The following HIRA variants were observed in gnomAD, a reference collection of about 807,000 sequenced individuals.
The protein encoded by HIRA is protein HIRA.
Under a neutral mutation model 126.6 loss-of-function variants are expected in HIRA, and 13 were observed. That is an observed-to-expected ratio of 0.10 (90% CI 0.07 to 0.16). HIRA has a LOEUF of 0.16. Ranked by LOEUF, HIRA falls within the 10% of genes least tolerant of loss-of-function variation. HIRA has a pLI of 1.00. For synonymous variants in HIRA, 511 were observed against 520.0 expected, an observed-to-expected ratio of 0.98 and a Z score of 0.24; for missense variants, 834 against 1,314.4, an observed-to-expected ratio of 0.63 and a Z score of 5.65.
Position 19,422,173 on chromosome 22 carries a change from C to T in HIRA, c.37+9267G>A, listed in dbSNP as rs569416077. 4.2e-3 allele frequency among the ~76,000 whole-genome samples: 530 copies of T among 126,326 alleles called. 3 individuals are homozygous for T. The highest frequency in any genetic ancestry group is 0.016 in the African/African-American group (393 of 24,388). 82.9% of individuals were successfully genotyped at this position (126,326 alleles called of 152,430 possible). ...CCTGAAAAGAATGTGTTTATATATACACACACACACACACACACACATACA... is the reference window on the plus strand; with the variant it reads ...CCTGAAAAGAATGTGTTTATATATATACACACACACACACACACACATACA... On this transcript the variant is annotated intron_variant, in intron 1 of 24. Coordinates refer to ENST00000263208, the MANE Select transcript of HIRA (RefSeq NM_003325.4).
intron 2 of HIRA, 131 bp downstream of exon 2, chr22:19,410,585 T>C (rs1275452288): frequency 2.8e-6 from 2 of 706,376 alleles, no homozygotes; most frequent in Non-Finnish European, 5.1e-6. Flanking sequence ...ACATTATAAC[T>C]GTACATTTTA....
At chr22:19,401,756 TTA>T (rs2089270237) in intron 5 of HIRA, among the ~76,000 whole-genome samples, 1 of 152,166 alleles carries the variant, frequency 6.6e-6, no homozygotes, top group African/African-American at 2.4e-5. Context: ...CACTTCTGTG[TTA>T]TGACTCCAAA....
At chr22:19,420,184 G>A (rs112251525) in intron 1 of HIRA, among the ~76,000 whole-genome samples, 43 of 152,132 alleles carry the variant, frequency 2.8e-4, no homozygotes, top group African/African-American at 9.6e-4. Context: ...GAGATTGGGC[G>A]CAGTGGCTCA....
At chr22:19,381,073 T>TA (rs547361428) in intron 13 of HIRA, among the ~76,000 whole-genome samples, 17 of 152,224 alleles carry the variant, frequency 1.1e-4, no homozygotes, top group Non-Finnish European at 2.5e-4. Flanking sequence ...AGTTATTTCT[T>TA]TGAGTTTTCT....
At chr22:19,350,658 T>G (rs1556010570) in intron 24 of HIRA, among the ~76,000 whole-genome samples, 3 of 152,058 alleles carry the variant, frequency 2.0e-5, no homozygotes, top group Non-Finnish European at 4.4e-5. Flanking sequence ...GTTTTTCTAT[T>G]TTAGTTCATG....
chr22:19,361,130 C>G (rs2088859448), intron 17 of HIRA, 107 bp downstream of exon 17: 1 of 883,732 alleles, frequency 1.1e-6, no homozygotes. Flanking sequence ...TGGAGAGCCA[C>G]TGGAAACCAA....
chr22:19,370,519 A>T (rs2146205378), intron 15 of HIRA, among the ~76,000 whole-genome samples: 1 of 152,282 alleles, frequency 6.6e-6, no homozygotes, highest in African/African-American at 2.4e-5. Flanking sequence ...GCTAGGATTG[A>T]CTACAGGCAT....
At chr22:19,352,701 G>A (rs2088770913) in intron 23 of HIRA, among the ~76,000 whole-genome samples, 1 of 152,190 alleles carries the variant, frequency 6.6e-6, no homozygotes, top group South Asian at 2.1e-4. Flanking sequence ...ATCAAAATGG[G>A]GAGGGTGATG....
intron 23 of HIRA, 97 bp downstream of exon 23, chr22:19,353,259 C>T: frequency 6.9e-7 from 1 of 1,454,116 alleles, no homozygotes; most frequent in Non-Finnish European, 9.5e-7. Context: ...GCTGCTGGGC[C>T]ATCACATCTT....
chr22:19,339,278 C>A (rs1556006973), intron 24 of HIRA, among the ~76,000 whole-genome samples: 1 of 152,040 alleles, frequency 6.6e-6, no homozygotes, highest in Admixed American at 6.6e-5. Flanking sequence ...TTATCAAAAC[C>A]TCTGGGACAC....
At chr22:19,348,440 G>C (rs1221546950) in intron 24 of HIRA, among the ~76,000 whole-genome samples, 13 of 150,998 alleles carry the variant, frequency 8.6e-5, no homozygotes, top group African/African-American at 2.9e-4. Context: ...TGCTAAAGTA[G>C]ATAAAAGCCT....
chr22:19,425,961 A>T (rs2089485345), intron 1 of HIRA, among the ~76,000 whole-genome samples: 1 of 152,222 alleles, frequency 6.6e-6, no homozygotes, highest in Non-Finnish European at 1.5e-5. Flanking sequence ...CAGTGAGCTG[A>T]GACCATGCCA....
chr22:19,388,670 G>GC, intron 9 of HIRA, 116 bp from the exon 10 acceptor site: 1 of 778,528 alleles, frequency 1.3e-6, no homozygotes, highest in East Asian at 2.7e-5. Flanking sequence ...GATATTTAAG[G>GC]CATCTTCAAC....
intron 22 of HIRA, 31 bp from the exon 23 acceptor site, chr22:19,353,550 G>A: frequency 1.9e-6 from 3 of 1,566,308 alleles, no homozygotes; most frequent in Non-Finnish European, 2.6e-6. Flanking sequence ...TCCATGATGG[G>A]GCAGCAGGCA....
intron 24 of HIRA, among the ~76,000 whole-genome samples, chr22:19,334,163 G>T (rs576519426): frequency 4.6e-4 from 70 of 151,524 alleles, no homozygotes; most frequent in African/African-American, 1.6e-3. Context: ...TTTTAGTAGA[G>T]ATGGGGTTCC....
rs535909093 is a variant in HIRA, at chr22:19,353,923, T to G, written c.2684+73A>C. 1.9e-5 allele frequency: 29 copies of G among 1,540,400 alleles called. No homozygotes were observed. The East Asian group carries it at 5.1e-4, about 27-fold the overall frequency. On this transcript the variant is annotated intron_variant, in intron 22 of 24. Transcript: ENST00000263208. ...GTGGAGACCAGGCCTGGGCAGGGACTGTGCGTGCACTGACCCAGGCACTTC... is the reference window on the plus strand; with the variant it reads ...GTGGAGACCAGGCCTGGGCAGGGACGGTGCGTGCACTGACCCAGGCACTTC...
chr22:19,420,477 AAAAAC>A (rs2089437059), intron 1 of HIRA, among the ~76,000 whole-genome samples: 1 of 151,314 alleles, frequency 6.6e-6, no homozygotes, highest in Non-Finnish European at 1.5e-5. Context: ...AAAAAAAAAA[AAAAAC>A]CAAACCAAAA....
rs551881066 is a variant in HIRA at position 19,405,521 on chromosome 22, C to T, written c.397+265G>A. On this transcript the variant is annotated intron_variant, in intron 5 of 24. Transcript: ENST00000263208. Reference sequence around the variant, plus strand: ...CTGTTCAGCAGGACAAACAGCAGAACGTGGGAAGTTCTACATTAAAGATAT... The same window carrying T: ...CTGTTCAGCAGGACAAACAGCAGAATGTGGGAAGTTCTACATTAAAGATAT... 72 of 985,170 alleles carry T rather than the reference C, an allele frequency of 7.3e-5. 1 individual carries two copies. The South Asian group carries it at 2.1e-3, about 28-fold the overall frequency. The allele number at this position is 985,170 out of a possible 1,614,324, so 61.0% of individuals were successfully genotyped here. A position where few individuals can be genotyped will look rare whatever the true frequency, so the allele number is the denominator to read the frequency against.
At chr22:19,427,043 T>A (rs1338580387) in intron 1 of HIRA, among the ~76,000 whole-genome samples, 5 of 152,220 alleles carry the variant, frequency 3.3e-5, no homozygotes, top group Non-Finnish European at 7.3e-5. Flanking sequence ...TAGTCGGAAC[T>A]GTAAGACAAA....
Sources: gnomAD v4.1 joint callset for allele counts (sites outside exome capture counted in the v4.1 genomes callset) on GRCh38, gnomAD v4.1.1 for gene constraint, MANE v1.5 for transcripts, NCBI Gene and HGNC (gene_info 2026-07-23, HGNC 2026-07-21) for gene names.